The following DNAJC9 variants were observed in gnomAD, a reference collection of about 807,000 sequenced individuals.
DNAJC9 encodes the protein DnaJ heat shock protein family (Hsp40) member C9.
Under a neutral mutation model 32.4 loss-of-function variants are expected in DNAJC9, and 18 were observed. That is an observed-to-expected ratio of 0.56 (90% confidence interval 0.38 to 0.82). The LOEUF (loss-of-function observed/expected upper bound fraction) is 0.82. DNAJC9 is among the 40% of genes least tolerant of loss of function. DNAJC9 has a pLI of 0.00. For missense variants in DNAJC9, 310 were observed against 321.8 expected (o/e 0.96, Z 0.28); for synonymous variants, 113 against 122.1 (o/e 0.93, Z 0.49).
downstream of DNAJC9, chr10:73,235,174 A>T: frequency 6.4e-7 from 1 of 1,550,902 alleles, no homozygotes; most frequent in Non-Finnish European, 8.7e-7. Context: ...TGTTTCTGTA[A>T]CTTTTGTCTC....
At chr10:73,238,125 C>G (rs576317270), downstream of DNAJC9, among the ~76,000 whole-genome samples, 7 of 152,176 alleles carry the variant, frequency 4.6e-5, no homozygotes, top group East Asian at 1.4e-3. Flanking sequence ...GTGGGCAGAT[C>G]ACCTGAAGTC....
chr10:73,234,428 C>T (rs2043776879), downstream of DNAJC9: 1 of 186,450 alleles, frequency 5.4e-6, no homozygotes, highest in African/African-American at 2.4e-5. Context: ...AGGAACTTTA[C>T]CCGAGAACTA....
At chr10:73,240,714 C>CAAA (rs55812252), downstream of DNAJC9, among the ~76,000 whole-genome samples, 1 of 106,912 alleles carries the variant, frequency 9.4e-6, no homozygotes, top group Non-Finnish European at 2.0e-5. Context: ...ACTCCACCTC[C>CAAA]AAAAAAAAAA....
downstream of DNAJC9, among the ~76,000 whole-genome samples, chr10:73,238,035 TGTTTA>T (rs1405610027): frequency 5.9e-5 from 9 of 152,260 alleles, no homozygotes; most frequent in Non-Finnish European, 1.2e-4. Context: ...GATAGCTAGT[TGTTTA>T]GTTTATTAGG....
chr10:73,246,766 C>T lies in DNAJC9; in HGVS notation c.243G>A (p.Gln81=), dbSNP rs2044016090. 2 of 1,614,048 alleles carry T rather than the reference C, an allele frequency of 1.2e-6. No individual in the cohort carries two copies. The highest frequency in any genetic ancestry group is 1.7e-6 in the Non-Finnish European group (2 of 1,180,014). Residue 81 remains glutamine (Q), a synonymous_variant, in exon 2 of 5, where the codon CAG becomes CAA. Coordinates refer to ENST00000372950, the MANE Select transcript of DNAJC9 (RefSeq NM_015190.5). Reference sequence around the variant, plus strand: ...CAGGAGAGTCCTCGTCCACTGTTCCCTGCTCATCGTACACTGCTCTCTGTT... The same window carrying T: ...CAGGAGAGTCCTCGTCCACTGTTCCTTGCTCATCGTACACTGCTCTCTGTT... ...DREQRAVYDE[Q]GTVDEDSPVL...
chr10:73,233,133 C>G, intron 2 of DNAJC9: 2 of 1,551,732 alleles, frequency 1.3e-6, no homozygotes, highest in Non-Finnish European at 1.7e-6. Flanking sequence ...ACACCAAGAT[C>G]TGTGGAAGAA....
chr10:73,247,002 C>T lies in DNAJC9; in HGVS notation c.180+8G>A, dbSNP rs2044022300. 5.8e-6 allele frequency: 9 copies of T among 1,563,086 alleles called. No homozygotes were observed. The highest frequency in any genetic ancestry group is 6.9e-6 in the Non-Finnish European group (8 of 1,153,358). ...AGCCGGTCGGCTTCGGGGCGGGACC[C>T]TGCATACCTGGAAGCGGCGGGTGGC... is the stretch of plus-strand genomic sequence containing the variant. On this transcript the variant is annotated splice_region_variant and intron_variant, in intron 1 of 4. Coordinates refer to ENST00000372950, the MANE Select transcript of DNAJC9 (RefSeq NM_015190.5).
chr10:73,239,357 C>A (rs922809743), downstream of DNAJC9: 7 of 1,551,564 alleles, frequency 4.5e-6, no homozygotes, highest in Non-Finnish European at 5.2e-6. Context: ...GTATCCTCAT[C>A]AGGCCCGACC....
At chr10:73,234,332 GA>G (rs2043774934), downstream of DNAJC9, 1 of 154,560 alleles carries the variant, frequency 6.5e-6, no homozygotes, top group African/African-American at 2.4e-5. Context: ...TCTGGGACAT[GA>G]AAGTATCATT....
At chr10:73,246,640 T>C in intron 2 of DNAJC9, 48 bp downstream of exon 2, 4 of 1,603,988 alleles carry the variant, frequency 2.5e-6, no homozygotes, top group Non-Finnish European at 3.4e-6. Flanking sequence ...AAAGGTTTGT[T>C]GATTGAATGA....
chr10:73,244,536 T>C (rs1215020539), intron 3 of DNAJC9: 1 of 150,654 alleles, frequency 6.6e-6, no homozygotes, highest in African/African-American at 2.4e-5. Context: ...ATGATGCAAT[T>C]GCCAGGATAC....
downstream of DNAJC9, chr10:73,234,615 G>A (rs533844000): frequency 5.2e-4 from 298 of 576,420 alleles, no homozygotes; most frequent in Middle Eastern, 1.4e-3. Flanking sequence ...AGAGTATAGA[G>A]CTTCAAAACA....
chr10:73,243,602 T>C (rs1160006010), intron 4 of DNAJC9, 83 bp from the exon 5 acceptor site: 1 of 1,547,120 alleles, frequency 6.5e-7, no homozygotes, highest in African/African-American at 1.4e-5. Context: ...GCTGGAAAAG[T>C]GGAATAACTA....
At chr10:73,245,066 G>A (rs2043991301) in intron 3 of DNAJC9, among the ~76,000 whole-genome samples, 1 of 152,198 alleles carries the variant, frequency 6.6e-6, no homozygotes, top group Admixed American at 6.5e-5. Flanking sequence ...GTCAGCTTGA[G>A]TCTTAGCAGA....
chr10:73,238,072 G>C (rs1380188373), downstream of DNAJC9, among the ~76,000 whole-genome samples: 1 of 152,160 alleles, frequency 6.6e-6, no homozygotes, highest in East Asian at 1.9e-4. Context: ...TGAGCCGGCT[G>C]CAGTGGCTTA....
chr10:73,236,711 C>CTT (rs576371533), downstream of DNAJC9, among the ~76,000 whole-genome samples: 1 of 148,876 alleles, frequency 6.7e-6, no homozygotes, highest in Non-Finnish European at 1.5e-5. Context: ...TGTACCCGGC[C>CTT]TTTTTTTTCT....
intron 1 of DNAJC9, 60 bp downstream of exon 1, chr10:73,246,950 G>A (rs955159216): frequency 6.4e-7 from 1 of 1,564,778 alleles, no homozygotes; most frequent in African/African-American, 1.4e-5. Flanking sequence ...GGGCCCGGTA[G>A]CCAAAAGGCT....
rs1004639886 is a variant in DNAJC9 at position 73,243,920 on chromosome 10, C to A, written c.586G>T (p.Glu196Ter). ...CTGCTCATTTCTGCTTCTTTGGCCT[C>A]TTCCTGAGCCTGAAACAGGAACTCA... ...MNARKRRAQE[E>*]AKEAEMSRKE... Residue 196 changes from glutamate to a stop codon, truncating the protein, a stop_gained, in exon 4 of 5, where the codon GAG becomes TAG. Transcript: ENST00000372950. LOFTEE classifies it high-confidence loss of function. 1 of 1,614,090 alleles carries A rather than the reference C, an allele frequency of 6.2e-7. No individual in the cohort carries two copies. The highest frequency in any genetic ancestry group is 8.5e-7 in the Non-Finnish European group (1 of 1,180,004).
At chr10:73,237,191 A>G (rs1167401144), downstream of DNAJC9, among the ~76,000 whole-genome samples, 1 of 152,174 alleles carries the variant, frequency 6.6e-6, no homozygotes, top group African/African-American at 2.4e-5. Flanking sequence ...TTCCAGGTGG[A>G]CATAAATTTT....
Sources: allele counts gnomAD v4.1 joint callset (sites outside exome capture counted in the v4.1 genomes callset), GRCh38; gene constraint gnomAD v4.1.1; transcripts MANE v1.5; gene names NCBI Gene and HGNC (gene_info 2026-07-23, HGNC 2026-07-21).